The following N4BP1 variants were observed in gnomAD, a reference collection of about 807,000 sequenced individuals.
N4BP1 encodes the protein NEDD4-binding protein 1.
Under a neutral mutation model 70.9 loss-of-function variants are expected in N4BP1, and 21 were observed. The ratio of observed to expected loss-of-function variants is 0.30; its 90% confidence interval spans 0.21 to 0.43. N4BP1 has a LOEUF of 0.43. Among genes scored for constraint, N4BP1 ranks in the 20% least tolerant of loss-of-function variants. The pLI, the probability that N4BP1 is intolerant of heterozygous loss-of-function variation, is 1.00. For synonymous variants in N4BP1, 387 were observed against 394.6 expected, an observed-to-expected ratio of 0.98 and a Z score of 0.23; for missense variants, 936 against 1,069.4, an observed-to-expected ratio of 0.88 and a Z score of 1.74.
intron 2 of N4BP1, among the ~76,000 whole-genome samples, chr16:48,559,076 G>A (rs1963804339): frequency 6.6e-6 from 1 of 152,102 alleles, no homozygotes. Flanking sequence ...AATAATAGGG[G>A]TGGAAAGAAG....
chr16:48,578,604 C>A (rs571297764), intron 1 of N4BP1, among the ~76,000 whole-genome samples: 1 of 152,214 alleles, frequency 6.6e-6, no homozygotes, highest in African/African-American at 2.4e-5. Flanking sequence ...GTCAGTTTTA[C>A]CACACTCCAC....
chr16:48,552,610 A>C (rs1395471540), intron 3 of N4BP1, among the ~76,000 whole-genome samples: 1 of 149,584 alleles, frequency 6.7e-6, no homozygotes, highest in Non-Finnish European at 1.5e-5. Flanking sequence ...AAGCAGAAGA[A>C]TCACTTGAAC....
At chr16:48,555,340 C>T (rs933640398) in intron 2 of N4BP1, among the ~76,000 whole-genome samples, 1 of 152,234 alleles carries the variant, frequency 6.6e-6, no homozygotes, top group African/African-American at 2.4e-5. Flanking sequence ...TTCCTCACGC[C>T]TGCCCTTTCC....
intron 2 of N4BP1, among the ~76,000 whole-genome samples, chr16:48,554,055 A>G (rs1174953478): frequency 6.6e-6 from 1 of 152,194 alleles, no homozygotes; most frequent in East Asian, 1.9e-4. Context: ...TTTTTAGGGA[A>G]TGGCTATATT....
At chr16:48,604,477 G>A (rs1398431694) in intron 1 of N4BP1, among the ~76,000 whole-genome samples, 1 of 151,818 alleles carries the variant, frequency 6.6e-6, no homozygotes, top group Non-Finnish European at 1.5e-5. Context: ...GAGCCTGGGA[G>A]GCAGAGGTTT....
intron 1 of N4BP1, among the ~76,000 whole-genome samples, chr16:48,607,178 C>T (rs919888269): frequency 1.1e-4 from 17 of 152,196 alleles, no homozygotes; most frequent in Admixed American, 2.0e-4. Flanking sequence ...GTAAGACACA[C>T]CTTTCCCAAA....
chr16:48,591,379 T>A (rs1964335684), intron 1 of N4BP1, among the ~76,000 whole-genome samples: 1 of 151,896 alleles, frequency 6.6e-6, no homozygotes, highest in East Asian at 1.9e-4. Flanking sequence ...ATTCTAAATC[T>A]TGTAAAAAGA....
chr16:48,554,600 T>C (rs1246200130), intron 2 of N4BP1, among the ~76,000 whole-genome samples: 1 of 152,252 alleles, frequency 6.6e-6, no homozygotes, highest in Admixed American at 6.5e-5. Context: ...CAAACTGTGA[T>C]GCTGTAGTTT....
intron 1 of N4BP1, chr16:48,600,383 T>A: frequency 2.7e-6 from 2 of 733,792 alleles, no homozygotes; most frequent in Non-Finnish European, 4.9e-6. Context: ...ATGAAAAACA[T>A]AGAAATGAAA....
chr16:48,583,861 A>G (rs1177892736), intron 1 of N4BP1, among the ~76,000 whole-genome samples: 1 of 152,148 alleles, frequency 6.6e-6, no homozygotes, highest in Non-Finnish European at 1.5e-5. Flanking sequence ...TTGAGCTACT[A>G]AACTGAGTGT....
intron 1 of N4BP1, among the ~76,000 whole-genome samples, chr16:48,601,851 C>T (rs931121580): frequency 3.3e-5 from 5 of 152,266 alleles, no homozygotes; most frequent in Admixed American, 2.0e-4. Flanking sequence ...GCTAGGACTA[C>T]GGGGCACATG....
intron 1 of N4BP1, among the ~76,000 whole-genome samples, chr16:48,569,157 T>C (rs537362483): frequency 1.3e-5 from 2 of 152,360 alleles, no homozygotes; most frequent in South Asian, 2.1e-4. Flanking sequence ...ACTGCTGTCT[T>C]TTCCTATAAG....
intron 1 of N4BP1, among the ~76,000 whole-genome samples, chr16:48,569,714 TC>T (rs1027960740): frequency 6.6e-6 from 1 of 152,122 alleles, no homozygotes; most frequent in African/African-American, 2.4e-5. Flanking sequence ...TATATATCTA[TC>T]CCACATGTAT....
intron 2 of N4BP1, among the ~76,000 whole-genome samples, chr16:48,556,042 C>A (rs1047789305): frequency 6.6e-6 from 1 of 152,116 alleles, no homozygotes; most frequent in African/African-American, 2.4e-5. Flanking sequence ...GAAATGCAGA[C>A]CGATGAATTC....
chr16:48,577,097 T>C (rs530821730), intron 1 of N4BP1, among the ~76,000 whole-genome samples: 97 of 152,128 alleles, frequency 6.4e-4, no homozygotes, highest in Non-Finnish European at 1.3e-3. Context: ...CCAAGCCCCA[T>C]TTCACTGGCA....
Position 48,610,164 on chromosome 16 carries a change from T to G in N4BP1, c.-192A>C, listed in dbSNP as rs1964663737. ...ACGACCGCAGCAGCTTGGCAATTGCTGGCAGCGAACCCCTCCGCCCCTTTG... is the reference window on the plus strand; with the variant it reads ...ACGACCGCAGCAGCTTGGCAATTGCGGGCAGCGAACCCCTCCGCCCCTTTG... On this transcript the variant is annotated 5_prime_UTR_variant, in exon 1 of 7. Transcript: ENST00000262384. The G allele has an allele frequency of 1.8e-5, 3 of 167,556 alleles. No individual in the cohort carries two copies. The highest frequency in any genetic ancestry group is 3.7e-4 in the East Asian group (2 of 5,336). The allele number at this position is 167,556 out of a possible 1,614,324, so 10.4% of individuals were successfully genotyped here.
Position 48,609,986 on chromosome 16 carries a change from TCCCGCGGCGGCGCCGGGGG to T in N4BP1, c.-33_-15del, listed in dbSNP as rs762677099. 1.7e-6 allele frequency: 2 copies of T among 1,187,940 alleles called. No homozygotes were observed. The highest frequency in any genetic ancestry group is 2.1e-6 in the Non-Finnish European group (2 of 960,236). The allele number at this position is 1,187,940 out of a possible 1,614,324, so 73.6% of individuals were successfully genotyped here. On this transcript the variant is annotated 5_prime_UTR_variant, in exon 1 of 7. Transcript: ENST00000262384. Reference sequence around the variant, plus strand: ...CCGGGCCGCCATGGCGGGCGCGGCCTCCCGCGGCGGCGCCGGGGGCCGGCGGCGGCGACGCCCCCTCAGC... The same window carrying T: ...CCGGGCCGCCATGGCGGGCGCGGCCTCCGGCGGCGGCGACGCCCCCTCAGC...
At chr16:48,553,755 A>C (rs1357194347) in intron 2 of N4BP1, 86 bp from the exon 3 acceptor site, 6 of 1,132,900 alleles carry the variant, frequency 5.3e-6, no homozygotes, top group Non-Finnish European at 7.1e-6. Flanking sequence ...TAACATACAC[A>C]TACAACAAAC....
intron 1 of N4BP1, chr16:48,577,954 A>C (rs930074419): frequency 1.3e-5 from 2 of 155,432 alleles, no homozygotes; most frequent in African/African-American, 4.8e-5. Flanking sequence ...GGCCCCTCGG[A>C]CGGCATCTCC....
Sources: allele counts gnomAD v4.1 joint callset (sites outside exome capture counted in the v4.1 genomes callset), GRCh38; gene constraint gnomAD v4.1.1; transcripts MANE v1.5; gene names NCBI Gene and HGNC (gene_info 2026-07-23, HGNC 2026-07-21).